The following ZNF654 variants were observed in gnomAD, a reference collection of about 807,000 sequenced individuals.
ZNF654 encodes melanoma-associated antigen.
Under a neutral mutation model 95.3 loss-of-function variants are expected in ZNF654, and 19 were observed. The ratio of observed to expected loss-of-function variants is 0.20; its 90% CI spans 0.14 to 0.29. ZNF654 has a LOEUF of 0.29. Ranked by LOEUF, ZNF654 falls within the 10% of genes least tolerant of loss-of-function variation. The pLI, the probability that ZNF654 is intolerant of heterozygous loss-of-function variation, is 1.00. For synonymous variants in ZNF654, 413 were observed against 457.9 expected (o/e 0.90, Z 1.25); for missense variants, 1,046 against 1,341.0 (o/e 0.78, Z 3.44).
chr3:88,059,706 G>A (rs541023695), intron 1 of ZNF654, among the ~76,000 whole-genome samples: 1 of 152,138 alleles, frequency 6.6e-6, no homozygotes, highest in South Asian at 2.1e-4. Context: ...CACGGGCTTA[G>A]GGTTGCTGAG....
chr3:88,075,824 A>G (rs912776404), intron 1 of ZNF654, among the ~76,000 whole-genome samples: 1 of 152,196 alleles, frequency 6.6e-6, no homozygotes, highest in African/African-American at 2.4e-5. Flanking sequence ...TTAGAGAAGG[A>G]AAGTCAAGGA....
At position 88,142,419 on chromosome 3, in the gene ZNF654, A is replaced by G. The variant is rs1707177522; in HGVS notation, c.*767A>G. 6.6e-6 allele frequency: 1 copy of G among 152,364 alleles called. No individual in the cohort carries two copies. The highest frequency in any genetic ancestry group is 6.6e-5 in the Admixed American group (1 of 15,242). The allele number at this position is 152,364 out of a possible 1,614,324, so 9.4% of individuals were successfully genotyped here. ...TCAATAAAATAGAAAAAAACCGATC[A>G]GTACTCTGGGGAGAGATGAAAGGAA... is the stretch of plus-strand genomic sequence containing the variant. On this transcript the variant is annotated 3_prime_UTR_variant, in exon 9 of 9. Transcript: ENST00000636215.
intron 2 of ZNF654, chr3:88,095,493 A>C: frequency 2.3e-6 from 1 of 439,588 alleles, no homozygotes. Flanking sequence ...AAATGCTGTC[A>C]TAATTTGTAG....
At chr3:88,112,826 T>A (rs1443320004) in intron 2 of ZNF654, among the ~76,000 whole-genome samples, 1 of 152,082 alleles carries the variant, frequency 6.6e-6, no homozygotes, top group African/African-American at 2.4e-5. Context: ...TGTTGTGACC[T>A]TGTATGCCAT....
intron 2 of ZNF654, among the ~76,000 whole-genome samples, chr3:88,099,057 A>G (rs1704239461): frequency 6.6e-6 from 1 of 152,222 alleles, no homozygotes; most frequent in African/African-American, 2.4e-5. Flanking sequence ...CCCTGTTTGC[A>G]GATGACATGA....
chr3:88,064,632 T>C (rs1707093636), intron 1 of ZNF654, among the ~76,000 whole-genome samples: 1 of 152,244 alleles, frequency 6.6e-6, no homozygotes, highest in Admixed American at 6.5e-5. Flanking sequence ...ACTGATGGCT[T>C]GGCTTTCAGT....
Position 88,088,727 on chromosome 3 carries a change from T to TA in ZNF654, c.332+2334dup, listed in dbSNP as rs11329135. 3.8e-3 allele frequency among the ~76,000 whole-genome samples: 571 copies of TA among 151,520 alleles called. 3 individuals carry two copies. Among genetic ancestry groups the TA allele is most frequent in the East Asian group, 0.016 (82 of 5,134 alleles). ...TTAGATTTGTAAGAGTGAGGCAGTT[T>TA]AAAAAAAAACCTTTATTTATGTATG... On this transcript the variant is annotated intron_variant, in intron 2 of 8. Coordinates refer to ENST00000636215, the MANE Select transcript of ZNF654 (RefSeq NM_001350134.2).
At chr3:88,063,174 A>G (rs1214493866) in intron 1 of ZNF654, among the ~76,000 whole-genome samples, 1 of 152,168 alleles carries the variant, frequency 6.6e-6, no homozygotes, top group Non-Finnish European at 1.5e-5. Flanking sequence ...TAGAGATGCT[A>G]CTGAACATCC....
At chr3:88,087,795 T>C (rs1306691666) in intron 2 of ZNF654, among the ~76,000 whole-genome samples, 4 of 152,218 alleles carry the variant, frequency 2.6e-5, no homozygotes, top group Admixed American at 2.0e-4. Context: ...AATTTTTTAA[T>C]GTAGTTCAAT....
chr3:88,067,782 A>G (rs1707283636), intron 1 of ZNF654, among the ~76,000 whole-genome samples: 1 of 152,122 alleles, frequency 6.6e-6, no homozygotes, highest in Non-Finnish European at 1.5e-5. Flanking sequence ...CAAGAGTGGG[A>G]GGTGAAGGAA....
intron 1 of ZNF654, among the ~76,000 whole-genome samples, chr3:88,081,932 C>T (rs1216464804): frequency 6.6e-6 from 1 of 152,148 alleles, no homozygotes; most frequent in East Asian, 1.9e-4. Context: ...AAATGAATAA[C>T]ATAAGCATAC....
chr3:88,059,545 C>T lies in ZNF654; in HGVS notation c.186+40C>T, dbSNP rs369485022. 5.5e-6 allele frequency: 8 copies of T among 1,451,930 alleles called. No homozygotes were observed. In the East Asian group the frequency reaches 1.0e-4, roughly 18 times the overall value. 89.9% of individuals were successfully genotyped at this position (1,451,930 alleles called of 1,614,324 possible). On this transcript the variant is annotated intron_variant, in intron 1 of 8. Coordinates refer to ENST00000636215, the MANE Select transcript of ZNF654 (RefSeq NM_001350134.2). ...GGCCGCCCCGACTTGTCACCCGGGT[C>T]CTGGGCCTCTCTGCGTCTCCTGGTC...
chr3:88,135,939 A>G (rs916355543), intron 7 of ZNF654, among the ~76,000 whole-genome samples: 8 of 152,070 alleles, frequency 5.3e-5, no homozygotes, highest in African/African-American at 1.7e-4. Flanking sequence ...TAATTTTTTT[A>G]TGTATTTATG....
At chr3:88,123,038 AAAAG>A (rs1406100441) in intron 3 of ZNF654, among the ~76,000 whole-genome samples, 1 of 151,814 alleles carries the variant, frequency 6.6e-6, no homozygotes, top group African/African-American at 2.4e-5. Flanking sequence ...TAAAAAGAAA[AAAAG>A]AAAAATACAA....
chr3:88,063,664 A>G (rs536062325), intron 1 of ZNF654, among the ~76,000 whole-genome samples: 2 of 152,336 alleles, frequency 1.3e-5, no homozygotes, highest in East Asian at 1.9e-4. Context: ...AAGAAGTCAT[A>G]TAAGGCCTAA....
At position 88,089,775 on chromosome 3, in the gene ZNF654, A is replaced by G. The variant is rs554425096; in HGVS notation, c.332+3373A>G. On this transcript the variant is annotated intron_variant, in intron 2 of 8. Transcript: ENST00000636215. ...GAAGAACTCTGGTCAGACCTGAGTT[A>G]TGTTCCTACTGCTTAGATTAATCAC... 3.3e-5 allele frequency among the ~76,000 whole-genome samples: 5 copies of G among 152,340 alleles called. No homozygotes were observed. The South Asian group carries it at 1.0e-3, about 32-fold the overall frequency.
intron 1 of ZNF654, among the ~76,000 whole-genome samples, chr3:88,078,533 T>C (rs1307195309): frequency 6.6e-6 from 1 of 152,120 alleles, no homozygotes; most frequent in Admixed American, 6.5e-5. Flanking sequence ...AAATATTCTG[T>C]TTTCCAAAAA....
intron 2 of ZNF654, among the ~76,000 whole-genome samples, chr3:88,099,738 TAATA>T (rs1704291239): frequency 6.6e-6 from 1 of 152,154 alleles, no homozygotes. Flanking sequence ...ATTCCCTATT[TAATA>T]AATGGTGCCA....
rs1706973874 is a variant in ZNF654, at chr3:88,139,193, A to C, written c.1524A>C (p.Gly508=). 4 of 1,450,208 alleles carry C rather than the reference A, an allele frequency of 2.8e-6. No homozygotes were observed. The highest frequency in any genetic ancestry group is 3.1e-5 in the South Asian group (2 of 64,530). 89.8% of individuals were successfully genotyped at this position (1,450,208 alleles called of 1,614,324 possible). The change falls in exon 8 of 9, where the codon GGA becomes GGC. Residue 508 remains glycine, a synonymous_variant. Transcript: ENST00000636215. Reference sequence around the variant, plus strand: ...ACTCTCTTACAGATCAGAGCACTGGAGAGACTGATCCTGATGATGTATCTG... The same window carrying C: ...ACTCTCTTACAGATCAGAGCACTGGCGAGACTGATCCTGATGATGTATCTG... ...GFDSLTDQST[G]ETDPDDVSGV... is the part of the protein sequence containing the mutation.
Sources: gnomAD v4.1 joint callset for allele counts (sites outside exome capture counted in the v4.1 genomes callset) on GRCh38, gnomAD v4.1.1 for gene constraint, MANE v1.5 for transcripts, NCBI Gene and HGNC (gene_info 2026-07-23, HGNC 2026-07-21) for gene names.